The following PIAS1 variants were observed in gnomAD, a reference collection of about 807,000 sequenced individuals.
PIAS1 encodes E3 SUMO-protein ligase PIAS1.
In PIAS1, 6 loss-of-function variants were observed where a neutral mutation model predicts 71.3. That is an observed-to-expected ratio of 0.08 (90% CI 0.05 to 0.17). The LOEUF (loss-of-function observed/expected upper bound fraction) is 0.17. PIAS1 is among the 10% of genes least tolerant of loss of function. The pLI, the probability that PIAS1 is intolerant of heterozygous loss-of-function variation, is 1.00. For missense variants in PIAS1, 555 were observed against 793.6 expected, an observed-to-expected ratio of 0.70 and a Z score of 3.61; for synonymous variants, 303 against 292.9, an observed-to-expected ratio of 1.03 and a Z score of -0.35.
chr15:68,142,580 T>C (rs968111699), intron 4 of PIAS1, among the ~76,000 whole-genome samples: 1 of 152,096 alleles, frequency 6.6e-6, no homozygotes, highest in African/African-American at 2.4e-5. Context: ...AACATTCTCC[T>C]GTTATGAGAT....
chr15:68,180,718 A>G (rs1567079886), intron 11 of PIAS1, among the ~76,000 whole-genome samples: 2 of 152,182 alleles, frequency 1.3e-5, no homozygotes, highest in Non-Finnish European at 2.9e-5. Flanking sequence ...TAAAGATTAC[A>G]ATCTGAGGGG....
chr15:68,140,666 CG>C (rs1001316843), intron 2 of PIAS1, among the ~76,000 whole-genome samples: 2 of 152,014 alleles, frequency 1.3e-5, no homozygotes, highest in Non-Finnish European at 2.9e-5. Context: ...CTTAATGATA[CG>C]TTTGGTATCG....
chr15:68,101,208 G>A (rs550348530), intron 2 of PIAS1, among the ~76,000 whole-genome samples: 1 of 152,026 alleles, frequency 6.6e-6, no homozygotes, highest in Non-Finnish European at 1.5e-5. Flanking sequence ...CCTTCATGGT[G>A]GTTTTAGTTT....
At position 68,056,764 on chromosome 15, in the gene PIAS1, TAAAAA is replaced by T. The variant is rs147315446; in HGVS notation, c.24+2418_24+2422del. 2.3e-3 allele frequency among the ~76,000 whole-genome samples: 351 copies of T among 151,860 alleles called. 2 individuals carry two copies. Among genetic ancestry groups the T allele is most frequent in the Non-Finnish European group, 3.9e-3 (267 of 67,922 alleles). On this transcript the variant is annotated intron_variant, in intron 1 of 13. Coordinates refer to ENST00000249636, the MANE Select transcript of PIAS1 (RefSeq NM_016166.3). ...CTACCATAGTTATTTGAGAATGTGT[TAAAAA>T]AAAGAGAATGTGTATATATAATTTT... is the stretch of plus-strand genomic sequence containing the variant.
At chr15:68,150,900 T>A (rs781311695) in intron 6 of PIAS1, among the ~76,000 whole-genome samples, 1 of 152,098 alleles carries the variant, frequency 6.6e-6, no homozygotes, top group Non-Finnish European at 1.5e-5. Flanking sequence ...TCCAAAATAC[T>A]TATAGTCCCA....
chr15:68,182,552 A>G (rs552559633), intron 12 of PIAS1, among the ~76,000 whole-genome samples: 9 of 146,408 alleles, frequency 6.1e-5, no homozygotes, highest in African/African-American at 1.8e-4. Context: ...CTGGAGTGCA[A>G]TGGCGCGACA....
At chr15:68,145,031 C>T (rs1379806147) in intron 4 of PIAS1, among the ~76,000 whole-genome samples, 1 of 151,784 alleles carries the variant, frequency 6.6e-6, no homozygotes, top group Non-Finnish European at 1.5e-5. Context: ...TGCAATGAGC[C>T]TTAGGTGTAT....
In PIAS1 at chr15:68,188,077, G is replaced by C; in HGVS notation, c.*242G>C. 3.5e-6 allele frequency: 1 copy of C among 289,206 alleles called. No individual in the cohort carries two copies. The highest frequency in any genetic ancestry group is 6.4e-6 in the Non-Finnish European group (1 of 157,232). The allele number at this position is 289,206 out of a possible 1,614,324, so 17.9% of individuals were successfully genotyped here. ...AAAACACTTGTTTAAAAAAAAAAAGGAAAGAAAAGAAAAAAGAAAAACAAG... is the reference window on the plus strand; with the variant it reads ...AAAACACTTGTTTAAAAAAAAAAAGCAAAGAAAAGAAAAAAGAAAAACAAG... On this transcript the variant is annotated 3_prime_UTR_variant, in exon 14 of 14. Coordinates refer to ENST00000249636, the MANE Select transcript of PIAS1 (RefSeq NM_016166.3).
intron 2 of PIAS1, among the ~76,000 whole-genome samples, chr15:68,110,312 C>T (rs925762072): frequency 5.9e-5 from 9 of 152,006 alleles, no homozygotes; most frequent in African/African-American, 1.7e-4. Context: ...AAGATACTTA[C>T]GGCTGGGTGC....
chr15:68,172,351 G>A (rs1042648321), intron 8 of PIAS1, among the ~76,000 whole-genome samples: 1 of 152,140 alleles, frequency 6.6e-6, no homozygotes, highest in Non-Finnish European at 1.5e-5. Context: ...CTTTGCTATT[G>A]TGAATAGTGC....
At chr15:68,164,865 A>G (rs2092947114) in intron 8 of PIAS1, 61 bp downstream of exon 8, 11 of 897,348 alleles carry the variant, frequency 1.2e-5, no homozygotes, top group Non-Finnish European at 1.9e-5. Context: ...CTTTTTATTA[A>G]GTATTTTTAC....
intron 7 of PIAS1, among the ~76,000 whole-genome samples, chr15:68,164,408 G>C (rs559639627): frequency 6.6e-6 from 1 of 152,140 alleles, no homozygotes; most frequent in East Asian, 1.9e-4. Context: ...ATATCTTAGA[G>C]TTATAAAAGA....
At position 68,173,602 on chromosome 15, in the gene PIAS1, A is replaced by C; in HGVS notation, c.1009-130A>C. ...CAGGAAATGTGTTTAATGTTCTTCT[A>C]CATTGATGAAAAGTCAACACTGTAT... On this transcript the variant is annotated intron_variant, in intron 8 of 13. Transcript: ENST00000249636. This position sits in a 1 kb window ranked among gnomAD's most constrained non-coding sequence, Gnocchi z 4.3. The C allele has an allele frequency of 4.1e-6, 2 of 485,606 alleles. No individual in the cohort carries two copies. 30.1% of individuals were successfully genotyped at this position (485,606 alleles called of 1,614,324 possible). A position where few individuals can be genotyped will look rare whatever the true frequency, so the allele number is the denominator to read the frequency against.
At chr15:68,099,304 T>C (rs1271640450) in intron 2 of PIAS1, among the ~76,000 whole-genome samples, 1 of 151,520 alleles carries the variant, frequency 6.6e-6, no homozygotes, top group African/African-American at 2.4e-5. Context: ...CTTTTTATTT[T>C]GAAATTTGGT....
intron 1 of PIAS1, among the ~76,000 whole-genome samples, chr15:68,070,264 G>T (rs73423738): frequency 0.021 from 3,141 of 152,334 alleles, 101 homozygotes; most frequent in African/African-American, 0.072. Context: ...ATTTTGCAAA[G>T]AAATGTTTAG....
chr15:68,134,433 A>G (rs1222916423), intron 2 of PIAS1, among the ~76,000 whole-genome samples: 23 of 38,286 alleles, frequency 6.0e-4, no homozygotes, highest in Non-Finnish European at 1.1e-3. Flanking sequence ...ACCCAGTAGG[A>G]GCGGCTGGGC....
chr15:68,085,253 A>G (rs975350048), intron 1 of PIAS1, among the ~76,000 whole-genome samples: 19 of 152,122 alleles, frequency 1.2e-4, no homozygotes, highest in African/African-American at 2.2e-4. Flanking sequence ...TGGTGATGCA[A>G]TCTTTTAGGA....
In PIAS1 at chr15:68,167,247, G is replaced by T. The variant is rs1267704350; in HGVS notation, c.1008+2443G>T. ...AAATGTATAATTATAATACTTTCATGGGTTTCTATTTGGCTAAAGGGATAA... is the reference window on the plus strand; with the variant it reads ...AAATGTATAATTATAATACTTTCATTGGTTTCTATTTGGCTAAAGGGATAA... On this transcript the variant is annotated intron_variant, in intron 8 of 13. Transcript: ENST00000249636. The surrounding 1 kb of genome is among the most constrained non-coding windows in gnomAD (Gnocchi z 4.4). Among the ~76,000 whole-genome samples the T allele has an allele frequency of 6.6e-6, 1 of 152,014 alleles. No individual in the cohort carries two copies. Among genetic ancestry groups the T allele is most frequent in the Non-Finnish European group, 1.5e-5 (1 of 68,014 alleles).
chr15:68,165,421 A>G (rs1337024594), intron 8 of PIAS1, among the ~76,000 whole-genome samples: 1 of 152,198 alleles, frequency 6.6e-6, no homozygotes, highest in Non-Finnish European at 1.5e-5. Flanking sequence ...GCACCTGGCC[A>G]AAAATTTTAC....
Sources: gnomAD v4.1 joint callset for allele counts (sites outside exome capture counted in the v4.1 genomes callset) on GRCh38, gnomAD v4.1.1 for gene constraint, Gnocchi (gnomAD v3.1) non-coding constraint, MANE v1.5 for transcripts, NCBI Gene and HGNC (gene_info 2026-07-23, HGNC 2026-07-21) for gene names.